Variants in GPATCH3 observed in about 807,000 individuals in gnomAD.
The protein encoded by GPATCH3 is G patch domain-containing protein 3.
In GPATCH3, 45 loss-of-function variants were observed where a neutral mutation model predicts 53.2. The observed-to-expected ratio is 0.85, with a 90% CI of 0.67 to 1.08. The LOEUF is 1.08. Among genes scored for constraint, GPATCH3 ranks in the 50% least tolerant of loss-of-function variants. GPATCH3 has a pLI of 0.00. For synonymous variants in GPATCH3, 280 were observed against 270.6 expected (o/e 1.03, Z -0.34); for missense variants, 680 against 687.2 (o/e 0.99, Z 0.12).
At position 26,892,783 on chromosome 1, in the gene GPATCH3, C is replaced by G; in HGVS notation, c.1120G>C (p.Asp374His). 6.2e-7 allele frequency: 1 copy of G among 1,613,898 alleles called. No homozygotes were observed. Among genetic ancestry groups the G allele is most frequent in the Non-Finnish European group, 8.5e-7 (1 of 1,179,798 alleles). ...TGGACAGAGTCTCGGGCATCCTTGTCTCCACCATCTGAGGAAACAGAGCTC... is the reference window on the plus strand; with the variant it reads ...TGGACAGAGTCTCGGGCATCCTTGTGTCCACCATCTGAGGAAACAGAGCTC... ...MSVYYDRDGG[D>H]KDARDSVQMR... The change falls in exon 5 of 7, where the codon GAC becomes CAC. Residue 374 changes from aspartate (D) to histidine (H), a missense_variant. Asp to His is a moderately conservative substitution (Grantham distance 81). Coordinates refer to ENST00000361720, the MANE Select transcript of GPATCH3 (RefSeq NM_022078.3).
In GPATCH3 at chr1:26,891,162, G is replaced by A; in HGVS notation, c.1426C>T (p.Leu476Phe). 1 of 1,614,036 alleles carries A rather than the reference G, an allele frequency of 6.2e-7. No homozygotes were observed. The highest frequency in any genetic ancestry group is 8.5e-7 in the Non-Finnish European group (1 of 1,180,000). Residue 476 changes from leucine to phenylalanine, a missense_variant, in exon 7 of 7, where the codon CTC (leucine) becomes TTC (phenylalanine). Physicochemically the swap from Leu to Phe is conservative, Grantham distance 22. Coordinates refer to ENST00000361720, the MANE Select transcript of GPATCH3 (RefSeq NM_022078.3). ...GGCTCATCATAGATGGTGGAGATGA[G>A]CCCCAAGCCATTTCTACGGGGCCTC... ...LKRPRRNGLG[L>F]ISTIYDEPLP...
At position 26,900,319 on chromosome 1, in the gene GPATCH3, C is replaced by G. The variant is rs1330991169; in HGVS notation, c.124G>C (p.Gly42Arg). The G allele has an allele frequency of 6.2e-7, 1 of 1,614,082 alleles. No individual in the cohort carries two copies. The highest frequency in any genetic ancestry group is 1.1e-5 in the South Asian group (1 of 91,074). ...YFSQFREERG[G>R]GFLCFHYRHR... ...CGGTAGTGGAAACAGAGGAAGCCAC[C>G]GCCGCGCTCTTCTCGGAACTGGCTA... Residue 42 changes from glycine to arginine, a missense_variant, in exon 1 of 7, where the codon GGT becomes CGT. Transcript: ENST00000361720.
At position 26,892,722 on chromosome 1, in the gene GPATCH3, T is replaced by C. The variant is rs2081933725; in HGVS notation, c.1181A>G (p.Glu394Gly). 1 of 1,614,192 alleles carries C rather than the reference T, an allele frequency of 6.2e-7. No individual in the cohort carries two copies. The highest frequency in any genetic ancestry group is 8.5e-7 in the Non-Finnish European group (1 of 1,180,036). ...RLEQRLRDGQ[E>G]DGSVIERQVG... ...CTGGCGTTCGATCACAGAGCCATCTTCCTGTCCATCTCGGAGTCTCTGTTC... is the reference window on the plus strand; with the variant it reads ...CTGGCGTTCGATCACAGAGCCATCTCCCTGTCCATCTCGGAGTCTCTGTTC... The change falls in exon 5 of 7, where the codon GAA (glutamate) becomes GGA (glycine). Residue 394 changes from glutamate to glycine, a missense_variant. Coordinates refer to ENST00000361720, the MANE Select transcript of GPATCH3 (RefSeq NM_022078.3).
rs747022447 is a variant in GPATCH3 at position 26,900,391 on chromosome 1, T to C, written c.52A>G (p.Ser18Gly). 1 of 1,613,796 alleles carries C rather than the reference T, an allele frequency of 6.2e-7. No homozygotes were observed. Among genetic ancestry groups the C allele is most frequent in the South Asian group, 1.1e-5 (1 of 91,062 alleles). The change falls in exon 1 of 7, where the codon AGC becomes GGC. Residue 18 changes from serine (S) to glycine (G), a missense_variant. Physicochemically the swap from Ser to Gly is moderately conservative, Grantham distance 56. Transcript: ENST00000361720. ...GAGCGCAACACGGAGGGGATACCGC[T>C]CACTACCAGGTAAACTGTCGCCTCC... The part of the protein sequence containing the change: ...EEEATVYLVV[S>G]GIPSVLRSAH...
At position 26,897,740 on chromosome 1, in the gene GPATCH3, A is replaced by G. The variant is rs764265716; in HGVS notation, c.452-15T>C. 1.9e-6 allele frequency: 3 copies of G among 1,574,536 alleles called. No homozygotes were observed. The South Asian group carries it at 3.5e-5, about 18-fold the overall frequency. On this transcript the variant is annotated splice_polypyrimidine_tract_variant and intron_variant, in intron 1 of 6. Coordinates refer to ENST00000361720, the MANE Select transcript of GPATCH3 (RefSeq NM_022078.3). ...GGAGCCCAGACCTTGGAAAGGAGGG[A>G]GAATAGATCTTGAAACCCAGAAGCC...
chr1:26,893,328 G>T, intron 4 of GPATCH3, 61 bp downstream of exon 4: 1 of 1,285,978 alleles, frequency 7.8e-7, no homozygotes, highest in Non-Finnish European at 1.1e-6. Flanking sequence ...CTCTGGTAAA[G>T]TGTCACTGCA....
chr1:26,897,229 G>A (rs2081954873), intron 2 of GPATCH3, 72 bp downstream of exon 2: 3 of 1,429,824 alleles, frequency 2.1e-6, no homozygotes, highest in Non-Finnish European at 2.9e-6. Context: ...ATAGACAATT[G>A]AAGAGTGGTA....
rs1200732803 is a variant in GPATCH3 at position 26,897,712 on chromosome 1, A to G, written c.465T>C (p.Phe155=). The change falls in exon 2 of 7, where the codon TTT becomes TTC. Residue 155 remains phenylalanine (F), a synonymous_variant. Transcript: ENST00000361720. The part of the protein sequence containing the change: ...LPTEASGLGS[F]PFKTRKELQS... ...GCAGTTCCTTCCGGGTCTTGAAGGG[A>G]AAGGAGCCCAGACCTTGGAAAGGAG... The G allele has an allele frequency of 1.2e-6, 2 of 1,611,266 alleles. No homozygotes were observed. Among genetic ancestry groups the G allele is most frequent in the African/African-American group, 2.7e-5 (2 of 74,780 alleles).
rs1389795260 is a variant in GPATCH3 at position 26,897,504 on chromosome 1, T to C, written c.673A>G (p.Lys225Glu). ...IITQLQLQFP[K>E]TGSSRRYGNV... ...CCGTAGCGCCGGGAGGAACCTGTCT[T>C]GGGGAACTGGAGCTGCAGCTGGGTG... The change falls in exon 2 of 7, where the codon AAG becomes GAG. Residue 225 changes from lysine to glutamate, a missense_variant. Lys to Glu is a moderately conservative substitution (Grantham distance 56). Coordinates refer to ENST00000361720, the MANE Select transcript of GPATCH3 (RefSeq NM_022078.3). 8 of 1,614,068 alleles carry C rather than the reference T, an allele frequency of 5.0e-6. No homozygotes were observed. The highest frequency in any genetic ancestry group is 4.4e-5 in the South Asian group (4 of 91,086).
rs1342646330 is a variant in GPATCH3 at position 26,897,677 on chromosome 1, T to C, written c.500A>G (p.Lys167Arg). 2 of 1,613,950 alleles carry C rather than the reference T, an allele frequency of 1.2e-6. No homozygotes were observed. Among genetic ancestry groups the C allele is most frequent in the African/African-American group, 2.7e-5 (2 of 74,920 alleles). The change falls in exon 2 of 7, where the codon AAG becomes AGG. Residue 167 changes from lysine to arginine, a missense_variant. By Grantham distance (26) the Lys-to-Arg change is conservative (BLOSUM62 2). Transcript: ENST00000361720. ...CAGGGTGAAGGCTTCATTCTCTGCC[T>C]TCCAACTCTGCAGTTCCTTCCGGGT... is the stretch of plus-strand genomic sequence containing the variant. ...FKTRKELQSWKAENEAFTLAD... is the reference protein window; with the variant it reads ...FKTRKELQSWRAENEAFTLAD...
chr1:26,891,313 T>C, intron 6 of GPATCH3, 87 bp from the exon 7 acceptor site: 1 of 1,003,722 alleles, frequency 1.0e-6, no homozygotes, highest in African/African-American at 1.6e-5. Flanking sequence ...AGTTACTACA[T>C]ATCTGGTTTG....
At chr1:26,899,231 A>C (rs534497023) in intron 1 of GPATCH3, among the ~76,000 whole-genome samples, 2 of 152,288 alleles carry the variant, frequency 1.3e-5, no homozygotes, top group South Asian at 2.1e-4. Context: ...GACACTAACT[A>C]ACTCTGTAAC....
rs765237312 is a variant in GPATCH3 at position 26,891,053 on chromosome 1, C to A, written c.1535G>T (p.Arg512Met). Residue 512 changes from arginine to methionine, a missense_variant, in exon 7 of 7, where the codon AGG becomes ATG. By Grantham distance (91) the Arg-to-Met change is moderately conservative. Transcript: ENST00000361720. Reference sequence around the variant, plus strand: ...GCTGTCTGAAGCACAACTGGAACCCCTCACAAAGGCCATGTCTGTCCGAAA... The same window carrying A: ...GCTGTCTGAAGCACAACTGGAACCCATCACAAAGGCCATGTCTGTCCGAAA... ...MKFRTDMAFV[R>M]GSSCASDSPS... 2.5e-6 allele frequency: 4 copies of A among 1,614,162 alleles called. No individual in the cohort carries two copies. The highest frequency in any genetic ancestry group is 2.5e-6 in the Non-Finnish European group (3 of 1,180,034).
chr1:26,892,421 G>A lies in GPATCH3; in HGVS notation c.1351C>T (p.Arg451Cys), dbSNP rs747435644. 4.3e-6 allele frequency: 7 copies of A among 1,612,710 alleles called. No individual in the cohort carries two copies. The highest frequency in any genetic ancestry group is 2.2e-5 in the East Asian group (1 of 44,836). ...CTCAGTCACACTTACCCCAATCCAC[G>A]CTTGCATCTGGGGTGTTGGCCATCA... ...DSDGQHPRCK[R>C]GLGYHGEKLQ... Residue 451 changes from arginine (R) to cysteine (C), a missense_variant, in exon 6 of 7, where the codon CGT becomes TGT. Arg to Cys is a radical substitution (Grantham distance 180, BLOSUM62 -3). Coordinates refer to ENST00000361720, the MANE Select transcript of GPATCH3 (RefSeq NM_022078.3).
At chr1:26,897,021 CAA>C (rs5773170) in intron 2 of GPATCH3, among the ~76,000 whole-genome samples, 30 of 98,328 alleles carry the variant, frequency 3.1e-4, no homozygotes, top group Admixed American at 4.6e-4. Flanking sequence ...GACTCCGTCT[CAA>C]AAAAAAAAAA....
At chr1:26,898,162 T>C (rs1248039462) in intron 1 of GPATCH3, among the ~76,000 whole-genome samples, 1 of 151,850 alleles carries the variant, frequency 6.6e-6, no homozygotes, top group African/African-American at 2.4e-5. Flanking sequence ...ATAAAATAAA[T>C]CCATTAGCCT....
Position 26,900,203 on chromosome 1 carries a change from CTG to C in GPATCH3, c.238_239del (p.Gln80AspfsTer91), listed in dbSNP as rs1219366737. ...GAGGCCGGACATCGGTGGCCGAAGTCTGAGAGAGAAGCTGGCCCTCAGCGGCT... is the reference window on the plus strand; with the variant it reads ...GAGGCCGGACATCGGTGGCCGAAGTCAGAGAGAAGCTGGCCCTCAGCGGCT... The part of the protein sequence containing the change: ...DPAAEGQLLS[Q>X]TSATDVRPLS... On this transcript the variant is annotated frameshift_variant, in exon 1 of 7. Coordinates refer to ENST00000361720, the MANE Select transcript of GPATCH3 (RefSeq NM_022078.3). LOFTEE classifies it high-confidence loss of function. 4.3e-6 allele frequency: 7 copies of C among 1,614,124 alleles called. No individual in the cohort carries two copies.
chr1:26,896,533 T>TAAAA (rs35265758), intron 2 of GPATCH3, among the ~76,000 whole-genome samples: 2 of 104,676 alleles, frequency 1.9e-5, no homozygotes, highest in South Asian at 3.1e-4. Context: ...CTACTAAAAA[T>TAAAA]AAAAAAAAAA....
rs1486920304 is a variant in GPATCH3, at chr1:26,900,444, T to G, written c.-2A>C. On this transcript the variant is annotated 5_prime_UTR_variant, in exon 1 of 7. Coordinates refer to ENST00000361720, the MANE Select transcript of GPATCH3 (RefSeq NM_022078.3). ...CTCCGCCTCGCCGGGCACCGCCATC[T>G]TGGATTGTCACATGATCAGCTAGAA... The G allele has an allele frequency of 6.2e-7, 1 of 1,607,922 alleles. No homozygotes were observed. Among genetic ancestry groups the G allele is most frequent in the Admixed American group, 1.7e-5 (1 of 59,872 alleles).
Sources: allele counts gnomAD v4.1 joint callset (sites outside exome capture counted in the v4.1 genomes callset), GRCh38; gene constraint gnomAD v4.1.1; transcripts MANE v1.5; gene names NCBI Gene and HGNC (gene_info 2026-07-23, HGNC 2026-07-21).